TRPM3: variants seen among roughly 807,000 people sequenced by gnomAD.
The protein encoded by TRPM3 is long transient receptor potential channel 3.
Under a neutral mutation model 181.2 loss-of-function variants are expected in TRPM3, and 77 were observed. That is an observed-to-expected ratio of 0.42 (90% CI 0.35 to 0.51). The LOEUF (loss-of-function observed/expected upper bound fraction) is 0.51, where lower values mean the gene tolerates loss of function less well. TRPM3 is among the 20% of genes least tolerant of loss of function. The pLI is 0.01. For missense variants in TRPM3, 1,759 were observed against 2,196.7 expected, an observed-to-expected ratio of 0.80 and a Z score of 3.98; for synonymous variants, 745 against 796.4, an observed-to-expected ratio of 0.94 and a Z score of 1.09.
chr9:71,076,426 T>C (rs971733648), intron 1 of TRPM3, among the ~76,000 whole-genome samples: 7 of 152,150 alleles, frequency 4.6e-5, no homozygotes, highest in Non-Finnish European at 8.8e-5. Context: ...GGTTCCTGGA[T>C]TGGGTGGACA....
intron 1 of TRPM3, among the ~76,000 whole-genome samples, chr9:71,120,963 C>A (rs890260342): frequency 6.6e-6 from 1 of 150,760 alleles, no homozygotes; most frequent in South Asian, 2.1e-4. Flanking sequence ...GAGTGTGGTT[C>A]GCACCAGCCT....
intron 1 of TRPM3, among the ~76,000 whole-genome samples, chr9:71,168,121 C>G (rs937834545): frequency 6.6e-6 from 1 of 152,116 alleles, no homozygotes; most frequent in Non-Finnish European, 1.5e-5. Context: ...CATATCATGA[C>G]ATCTTTAGTA....
intron 8 of TRPM3, among the ~76,000 whole-genome samples, chr9:70,739,618 G>T (rs533968054): frequency 2.0e-5 from 3 of 151,826 alleles, no homozygotes; most frequent in African/African-American, 7.2e-5. Flanking sequence ...TTGAGTCAAG[G>T]TCTCACTCTG....
At chr9:71,056,435 T>C (rs1029305333) in intron 1 of TRPM3, among the ~76,000 whole-genome samples, 13 of 152,176 alleles carry the variant, frequency 8.5e-5, no homozygotes, top group Non-Finnish European at 1.6e-4. Context: ...AGGCTTCTTA[T>C]GTCCTGTTAG....
At chr9:71,430,339 A>G (rs2093935975) in intron 1 of TRPM3, among the ~76,000 whole-genome samples, 1 of 152,342 alleles carries the variant, frequency 6.6e-6, no homozygotes, top group Admixed American at 6.5e-5. Context: ...GAAGAGGGTC[A>G]GCACATTTTG....
intron 9 of TRPM3, among the ~76,000 whole-genome samples, chr9:70,667,875 C>T (rs2134015473): frequency 6.6e-6 from 1 of 152,252 alleles, no homozygotes; most frequent in South Asian, 2.1e-4. Context: ...CTCACATGGC[C>T]CCAACTTCTC....
At chr9:70,652,270 A>T (rs2059693528) in intron 9 of TRPM3, among the ~76,000 whole-genome samples, 1 of 152,066 alleles carries the variant, frequency 6.6e-6, no homozygotes, top group African/African-American at 2.4e-5. Context: ...TATTTTTAAG[A>T]CAGTTAATTT....
At chr9:70,859,059 T>C (rs185222426) in intron 3 of TRPM3, among the ~76,000 whole-genome samples, 5 of 152,160 alleles carry the variant, frequency 3.3e-5, no homozygotes, top group South Asian at 2.1e-4. Context: ...CTGCCTTAGA[T>C]ACTAGCCATG....
At chr9:71,415,744 T>G (rs183952785) in intron 1 of TRPM3, among the ~76,000 whole-genome samples, 19 of 152,142 alleles carry the variant, frequency 1.2e-4, no homozygotes, top group Admixed American at 5.2e-4. Context: ...GCCCCCTGGA[T>G]GAGCATTTAA....
At chr9:70,761,747 A>C in intron 7 of TRPM3, 23 bp from the exon 8 acceptor site, 1 of 1,599,824 alleles carries the variant, frequency 6.3e-7, no homozygotes. Flanking sequence ...ACAATGTCAA[A>C]AGCAGGTCAA....
intron 1 of TRPM3, among the ~76,000 whole-genome samples, chr9:71,273,053 T>G (rs2083927773): frequency 1.3e-5 from 2 of 152,082 alleles, no homozygotes; most frequent in African/African-American, 4.8e-5. Context: ...TTTTGTATTT[T>G]TAGTGGAGAT....
rs192395485 is a variant in TRPM3, at chr9:71,066,565, G to A, written c.177+54613C>T. Among the ~76,000 whole-genome samples, 48 of 152,268 alleles carry A rather than the reference G, an allele frequency of 3.2e-4. No homozygotes were observed. In the East Asian group the frequency reaches 8.7e-3, roughly 28 times the overall value. On this transcript the variant is annotated intron_variant, in intron 1 of 25. Coordinates refer to ENST00000677713, the MANE Select transcript of TRPM3 (RefSeq NM_001366145.2). ...GTTGTTTTAATACTGTTTTGCAACA[G>A]CTTAGAACAGAGAGGGCCTCTGATG...
intron 3 of TRPM3, among the ~76,000 whole-genome samples, chr9:70,851,223 A>G (rs1174944383): frequency 2.0e-5 from 3 of 152,224 alleles, no homozygotes; most frequent in Non-Finnish European, 4.4e-5. Flanking sequence ...AGAACCTTGT[A>G]TATTTATTGT....
rs564660008 is a variant in TRPM3, at chr9:71,347,055, G to T, written c.183+99598C>A. Among the ~76,000 whole-genome samples, 3 of 152,282 alleles carry T rather than the reference G, an allele frequency of 2.0e-5. No individual in the cohort carries two copies. The East Asian group carries it at 5.8e-4, about 29-fold the overall frequency. The stretch of plus-strand genomic sequence containing the variant: ...GAGGGAGCTTCCCAATAATGAAAAG[G>T]TAAGTCATATGTGCTGACTATATAT... On this transcript the variant is annotated intron_variant, in intron 1 of 24. Coordinates refer to the TRPM3 transcript ENST00000357533.
intron 1 of TRPM3, among the ~76,000 whole-genome samples, chr9:71,363,124 A>G (rs2092217614): frequency 6.6e-6 from 1 of 152,204 alleles, no homozygotes; most frequent in East Asian, 1.9e-4. Context: ...CATATGGCAA[A>G]ATTTCTGCAA....
intron 1 of TRPM3, among the ~76,000 whole-genome samples, chr9:71,097,308 ATATATACTG>A (rs1416476068): frequency 6.6e-6 from 1 of 152,078 alleles, no homozygotes; most frequent in Admixed American, 6.6e-5. Flanking sequence ...TAACTTTAGG[ATATATACTG>A]TATATACAAC....
chr9:70,789,458 G>GAAAAA (rs1021609014), intron 6 of TRPM3, among the ~76,000 whole-genome samples: 1 of 151,940 alleles, frequency 6.6e-6, no homozygotes, highest in Non-Finnish European at 1.5e-5. Flanking sequence ...CAGTCTGTAG[G>GAAAAA]AAAAAAAATT....
At chr9:70,841,624 C>CTATATATA (rs72421594) in intron 5 of TRPM3, among the ~76,000 whole-genome samples, 1,173 of 72,618 alleles carry the variant, frequency 0.016, 17 homozygotes, top group South Asian at 0.025. Context: ...CTATATCCCA[C>CTATATATA]TATATATATA....
chr9:70,923,857 C>CATAT (rs60597888), intron 1 of TRPM3, among the ~76,000 whole-genome samples: 1 of 146,532 alleles, frequency 6.8e-6, no homozygotes, highest in Non-Finnish European at 1.5e-5. Flanking sequence ...CACACACACA[C>CATAT]ATATATATAT....
Sources: allele counts gnomAD v4.1 joint callset (sites outside exome capture counted in the v4.1 genomes callset), GRCh38; gene constraint gnomAD v4.1.1; transcripts MANE v1.5; gene names NCBI Gene and HGNC (gene_info 2026-07-23, HGNC 2026-07-21).